Variants in PLCXD3 observed in about 807,000 individuals in gnomAD.
The protein encoded by PLCXD3 is phosphatidylinositol specific phospholipase C X domain containing 3.
A neutral mutation model predicts 25.5 loss-of-function variants in PLCXD3; 19 were observed. The observed-to-expected ratio is 0.75, with a 90% CI of 0.52 to 1.09. PLCXD3 has a LOEUF of 1.09. Ranked by LOEUF, PLCXD3 falls within the 50% of genes least tolerant of loss-of-function variation. The probability of loss-of-function intolerance (pLI) is 0.00; values close to 1 mark genes in which losing one functional copy is unlikely to be tolerated. For synonymous variants in PLCXD3, 174 were observed against 137.6 expected (o/e 1.26, Z -1.85); for missense variants, 411 against 388.1 (o/e 1.06, Z -0.50).
intron 2 of PLCXD3, among the ~76,000 whole-genome samples, chr5:41,328,575 G>T (rs921007732): frequency 1.4e-4 from 21 of 152,124 alleles, no homozygotes; most frequent in African/African-American, 4.8e-4. Flanking sequence ...TACAACAGCA[G>T]GTCCCAAATT....
intron 1 of PLCXD3, among the ~76,000 whole-genome samples, chr5:41,423,487 T>C (rs554330868): frequency 1.7e-4 from 26 of 152,284 alleles, no homozygotes; most frequent in African/African-American, 5.5e-4. Flanking sequence ...CTAGAATGAT[T>C]ATTTTTATAT....
intron 1 of PLCXD3, among the ~76,000 whole-genome samples, chr5:41,472,900 T>A (rs541208315): frequency 2.0e-5 from 3 of 152,124 alleles, no homozygotes; most frequent in Admixed American, 6.5e-5. Flanking sequence ...AAGGAACAAT[T>A]TTTTTTTGCT....
intron 2 of PLCXD3, among the ~76,000 whole-genome samples, chr5:41,367,161 G>A (rs191115348): frequency 6.6e-6 from 1 of 152,136 alleles, no homozygotes; most frequent in African/African-American, 2.4e-5. Context: ...ACCCAGTAAT[G>A]AGATTGCTGG....
chr5:41,411,204 C>A (rs1746510152), intron 1 of PLCXD3, among the ~76,000 whole-genome samples: 1 of 152,290 alleles, frequency 6.6e-6, no homozygotes, highest in Non-Finnish European at 1.5e-5. Flanking sequence ...AGCCTATTTA[C>A]CTTTGTTCTT....
intron 2 of PLCXD3, among the ~76,000 whole-genome samples, chr5:41,316,100 C>G (rs1228890737): frequency 2.0e-5 from 3 of 152,146 alleles, no homozygotes; most frequent in African/African-American, 7.2e-5. Flanking sequence ...AAAGAGACCC[C>G]CTTCTTCCAC....
intron 1 of PLCXD3, among the ~76,000 whole-genome samples, chr5:41,451,863 A>G (rs1359127930): frequency 2.6e-5 from 4 of 152,040 alleles, no homozygotes; most frequent in Non-Finnish European, 5.9e-5. Flanking sequence ...AAGAGAAAAT[A>G]TCATCTTCTT....
chr5:41,357,000 A>G (rs1416593035), intron 2 of PLCXD3, among the ~76,000 whole-genome samples: 1 of 152,218 alleles, frequency 6.6e-6, no homozygotes, highest in Non-Finnish European at 1.5e-5. Flanking sequence ...CCTAGATGCA[A>G]CTTAATGAAC....
chr5:41,387,570 G>A (rs1359656003), intron 1 of PLCXD3, among the ~76,000 whole-genome samples: 1 of 152,054 alleles, frequency 6.6e-6, no homozygotes, highest in Non-Finnish European at 1.5e-5. Flanking sequence ...AATGACTTGA[G>A]GCAATTACAT....
chr5:41,393,168 G>T (rs1471508348), intron 1 of PLCXD3, among the ~76,000 whole-genome samples: 2 of 152,056 alleles, frequency 1.3e-5, no homozygotes, highest in Admixed American at 6.6e-5. Context: ...AAATAACAGA[G>T]AACTTTCCAA....
At chr5:41,503,388 G>C (rs1171495384) in intron 1 of PLCXD3, among the ~76,000 whole-genome samples, 5 of 152,090 alleles carry the variant, frequency 3.3e-5, no homozygotes. Flanking sequence ...CATAACATTA[G>C]CTCGCATTTA....
intron 2 of PLCXD3, among the ~76,000 whole-genome samples, chr5:41,378,560 T>C (rs1235567050): frequency 6.6e-6 from 1 of 152,146 alleles, no homozygotes; most frequent in African/African-American, 2.4e-5. Flanking sequence ...TAGAGGCAAG[T>C]AGGAAGTTCT....
chr5:41,388,956 T>C (rs2150495183), intron 1 of PLCXD3, among the ~76,000 whole-genome samples: 1 of 151,404 alleles, frequency 6.6e-6, no homozygotes, highest in Non-Finnish European at 1.5e-5. Context: ...AATGCTTGTA[T>C]AATTTATATA....
At chr5:41,441,835 C>A (rs750232300) in intron 1 of PLCXD3, among the ~76,000 whole-genome samples, 1 of 152,054 alleles carries the variant, frequency 6.6e-6, no homozygotes, top group African/African-American at 2.4e-5. Flanking sequence ...AATGTGGAGA[C>A]CCAGGTTGTC....
chr5:41,419,423 G>A lies in PLCXD3; in HGVS notation c.104-36889C>T, dbSNP rs954492079. Among the ~76,000 whole-genome samples the A allele has an allele frequency of 2.0e-5, 3 of 152,290 alleles. No individual in the cohort carries two copies. In the South Asian group the frequency reaches 6.2e-4, roughly 32 times the overall value. On this transcript the variant is annotated intron_variant, in intron 1 of 2. Transcript: ENST00000377801. ...ACATTTCAGAGATTTCCTAGGATAT[G>A]ATAGTGTTTTTCCAATAGAAAACAA...
chr5:41,331,131 G>A (rs963007386), intron 2 of PLCXD3, among the ~76,000 whole-genome samples: 49 of 152,216 alleles, frequency 3.2e-4, no homozygotes, highest in African/African-American at 7.0e-4. Flanking sequence ...AAGGGTATTC[G>A]ATTAGGAAAA....
At chr5:41,409,866 A>C (rs1746466551) in intron 1 of PLCXD3, among the ~76,000 whole-genome samples, 1 of 152,244 alleles carries the variant, frequency 6.6e-6, no homozygotes, top group South Asian at 2.1e-4. Flanking sequence ...CAGTAAACAC[A>C]AATTATGCAG....
At chr5:41,480,428 T>C (rs554907647) in intron 1 of PLCXD3, among the ~76,000 whole-genome samples, 2 of 152,108 alleles carry the variant, frequency 1.3e-5, no homozygotes, top group Non-Finnish European at 2.9e-5. Flanking sequence ...ACATTTGCTT[T>C]TTTTCTCTTC....
chr5:41,484,842 T>C (rs1430554396), intron 1 of PLCXD3, among the ~76,000 whole-genome samples: 1 of 152,176 alleles, frequency 6.6e-6, no homozygotes, highest in South Asian at 2.1e-4. Flanking sequence ...GGTGCTAAAT[T>C]GAGATTTGTT....
At chr5:41,443,952 T>C (rs1466948648) in intron 1 of PLCXD3, among the ~76,000 whole-genome samples, 2 of 152,216 alleles carry the variant, frequency 1.3e-5, no homozygotes, top group African/African-American at 2.4e-5. Flanking sequence ...ATGGTAAATG[T>C]TGGACTCTGC....
Sources: allele counts gnomAD v4.1 joint callset (sites outside exome capture counted in the v4.1 genomes callset), GRCh38; gene constraint gnomAD v4.1.1; transcripts MANE v1.5; gene names NCBI Gene and HGNC (gene_info 2026-07-23, HGNC 2026-07-21).